Variants in HTR2B observed in about 807,000 individuals in gnomAD.
HTR2B encodes the protein 5-HT 2B receptor.
In HTR2B, 31 loss-of-function variants were observed where a neutral mutation model predicts 39.8. The observed-to-expected ratio is 0.78, with a 90% confidence interval of 0.58 to 1.05. The LOEUF is 1.05. Ranked by LOEUF, HTR2B falls within the 50% of genes least tolerant of loss-of-function variation. The pLI is 0.00. For synonymous variants in HTR2B, 210 were observed against 207.1 expected, an observed-to-expected ratio of 1.01 and a Z score of -0.12; for missense variants, 562 against 578.0, an observed-to-expected ratio of 0.97 and a Z score of 0.28.
At chr2:231,122,926 G>A (rs1274538340) in intron 2 of HTR2B, among the ~76,000 whole-genome samples, 1 of 152,080 alleles carries the variant, frequency 6.6e-6, no homozygotes, top group Non-Finnish European at 1.5e-5. Context: ...AAACTATTAA[G>A]AGCTATAATA....
chr2:231,124,012 T>G lies in HTR2B; in HGVS notation c.-248A>C. ...GAGGCTTAAATTTAGGAAAGCTCAG[T>G]GAAAGAAACTGATAGCTGTGAAAAA... On this transcript the variant is annotated 5_prime_UTR_variant, in exon 2 of 4. Transcript: ENST00000258400. The G allele has an allele frequency of 2.1e-6, 1 of 470,606 alleles. No homozygotes were observed. Among genetic ancestry groups the G allele is most frequent in the South Asian group, 2.4e-5 (1 of 41,350 alleles). 29.2% of individuals were successfully genotyped at this position (470,606 alleles called of 1,614,324 possible). A position where few individuals can be genotyped will look rare whatever the true frequency, so the allele number is the denominator to read the frequency against.
In HTR2B at chr2:231,120,481, A is replaced by C. The variant is rs1482884857; in HGVS notation, c.352+2932T>G. Among the ~76,000 whole-genome samples, 6 of 152,230 alleles carry C rather than the reference A, an allele frequency of 3.9e-5. No individual in the cohort carries two copies. In the South Asian group the frequency reaches 1.2e-3, roughly 32 times the overall value. On this transcript the variant is annotated intron_variant, in intron 2 of 3. Coordinates refer to ENST00000258400, the MANE Select transcript of HTR2B (RefSeq NM_000867.5). Reference sequence around the variant, plus strand: ...AACTACAACTGTAAAGATCAAGTCCAGTGCTCCCAGATAGGAAGAAGTGGC... The same window carrying C: ...AACTACAACTGTAAAGATCAAGTCCCGTGCTCCCAGATAGGAAGAAGTGGC...
intron 2 of HTR2B, among the ~76,000 whole-genome samples, chr2:231,118,756 C>G (rs1695432463): frequency 6.6e-6 from 1 of 152,162 alleles, no homozygotes; most frequent in South Asian, 2.1e-4. Context: ...TAATTAGCAT[C>G]AGTCCATAAA....
In HTR2B at chr2:231,124,125, T is replaced by C; in HGVS notation, c.-361A>G. 1 of 256,222 alleles carries C rather than the reference T, an allele frequency of 3.9e-6. No individual in the cohort carries two copies. The highest frequency in any genetic ancestry group is 4.9e-5 in the South Asian group (1 of 20,564). The allele number at this position is 256,222 out of a possible 1,614,324, so 15.9% of individuals were successfully genotyped here. On this transcript the variant is annotated 5_prime_UTR_variant, in exon 2 of 4. Transcript: ENST00000258400. The stretch of plus-strand genomic sequence containing the variant: ...GTGTTTGAACTTGCATGCCAGAGAG[T>C]TCCCCCTAGATACAAAATACATAGA...
At position 231,113,770 on chromosome 2, in the gene HTR2B, G is replaced by T. The variant is rs1188652491; in HGVS notation, c.512C>A (p.Thr171Lys). The change falls in exon 3 of 4, where the codon ACA becomes AAA. Residue 171 changes from threonine to lysine, a missense_variant. Thr to Lys is a moderately conservative substitution (Grantham distance 78). Transcript: ENST00000258400. ...CACCACTGTAATCTTGATGAATGCT[G>T]TAGCCCGTGAGTTATATTGATTGGC... ...IQANQYNSRA[T>K]AFIKITVVWL... 1 of 1,614,088 alleles carries T rather than the reference G, an allele frequency of 6.2e-7. No homozygotes were observed. The highest frequency in any genetic ancestry group is 1.7e-5 in the Admixed American group (1 of 60,010).
At chr2:231,115,029 A>G (rs975468094) in intron 2 of HTR2B, among the ~76,000 whole-genome samples, 15 of 152,250 alleles carry the variant, frequency 9.9e-5, no homozygotes, top group African/African-American at 3.6e-4. Flanking sequence ...TCTTCTGGCT[A>G]TTGCAGGTAT....
chr2:231,113,963 T>C lies in HTR2B; in HGVS notation c.353-34A>G, dbSNP rs1302289111. ...AACAAAAACAAGACAAACATTTTAT[T>C]CTATAAAATGGCAACTTTCAGTCTA... On this transcript the variant is annotated intron_variant, in intron 2 of 3. Transcript: ENST00000258400. The C allele has an allele frequency of 1.9e-6, 3 of 1,561,106 alleles. No individual in the cohort carries two copies. The Admixed American group carries it at 5.1e-5, about 27-fold the overall frequency.
At chr2:231,109,531 C>T in intron 3 of HTR2B, 122 bp from the exon 4 acceptor site, 1 of 822,360 alleles carries the variant, frequency 1.2e-6, no homozygotes. Flanking sequence ...TCCTGGGACC[C>T]ACAATGCAGG....
In HTR2B at chr2:231,123,621, C is replaced by T. The variant is rs757489636; in HGVS notation, c.144G>A (p.Glu48=). 1 of 1,613,960 alleles carries T rather than the reference C, an allele frequency of 6.2e-7. No individual in the cohort carries two copies. Among genetic ancestry groups the T allele is most frequent in the African/African-American group, 1.3e-5 (1 of 74,922 alleles). The change falls in exon 2 of 4, where the codon GAG becomes GAA. Residue 48 remains glutamate (E), a synonymous_variant. Transcript: ENST00000258400. ...CCCAGTGCAGTTTATTTCCCTGTTC[C>T]TCAACAATCTGTTTCATTTCCTCTG... ...SIPEEMKQIV[E]EQGNKLHWAA... is the part of the protein sequence containing the mutation.
At chr2:231,111,248 C>G (rs185627217) in intron 3 of HTR2B, among the ~76,000 whole-genome samples, 1 of 152,186 alleles carries the variant, frequency 6.6e-6, no homozygotes, top group African/African-American at 2.4e-5. Flanking sequence ...AGAACAATCC[C>G]TAAGATTATG....
intron 3 of HTR2B, among the ~76,000 whole-genome samples, chr2:231,112,942 A>C (rs1441078825): frequency 5.3e-5 from 8 of 152,112 alleles, no homozygotes; most frequent in African/African-American, 1.9e-4. Flanking sequence ...GGGCAGGGGG[A>C]TCGCCAGAGC....
At chr2:231,112,278 C>T (rs566844460) in intron 3 of HTR2B, among the ~76,000 whole-genome samples, 3 of 152,312 alleles carry the variant, frequency 2.0e-5, no homozygotes, top group Admixed American at 2.0e-4. Context: ...TTAATTTTCA[C>T]CCATTGTCTC....
chr2:231,122,088 A>T lies in HTR2B; in HGVS notation c.352+1325T>A, dbSNP rs1329758688. Among the ~76,000 whole-genome samples, 6 of 152,116 alleles carry T rather than the reference A, an allele frequency of 3.9e-5. No homozygotes were observed. In the South Asian group the frequency reaches 1.2e-3, roughly 32 times the overall value. On this transcript the variant is annotated intron_variant, in intron 2 of 3. Transcript: ENST00000258400. ...TTTCTTAATTATTTTTCATGGTTTC[A>T]TGCAGCATTAGATTATTTAAAAGAT...
intron 2 of HTR2B, among the ~76,000 whole-genome samples, chr2:231,115,231 T>C (rs1574742894): frequency 6.6e-6 from 1 of 151,392 alleles, no homozygotes; most frequent in South Asian, 2.1e-4. Flanking sequence ...AGTTTTTAGA[T>C]AGATTTGGCT....
At chr2:231,113,956 A>G (rs1022356658) in intron 2 of HTR2B, 27 bp from the exon 3 acceptor site, 1 of 1,591,358 alleles carries the variant, frequency 6.3e-7, no homozygotes, top group South Asian at 1.1e-5. Context: ...CAAGACAAAC[A>G]TTTTATTCTA....
In HTR2B at chr2:231,109,332, T is replaced by G; in HGVS notation, c.631A>C (p.Lys211Gln). ...NPNNITCVLTKERFGDFMLFG... is the reference protein window; with the variant it reads ...NPNNITCVLTQERFGDFMLFG... ...AGCATGAAATCGCCAAAACGTTCCT[T>G]TGTCAGCACACAAGTGATATTGTTT... The change falls in exon 4 of 4, where the codon AAG (lysine) becomes CAG (glutamine). Residue 211 changes from lysine to glutamine, a missense_variant. By Grantham distance (53) the Lys-to-Gln change is moderately conservative. Coordinates refer to ENST00000258400, the MANE Select transcript of HTR2B (RefSeq NM_000867.5). The G allele has an allele frequency of 6.2e-7, 1 of 1,614,054 alleles. No homozygotes were observed. Among genetic ancestry groups the G allele is most frequent in the Non-Finnish European group, 8.5e-7 (1 of 1,179,952 alleles).
chr2:231,109,609 C>T (rs983332272), intron 3 of HTR2B, among the ~76,000 whole-genome samples, 200 bp from the exon 4 acceptor site: 11 of 152,120 alleles, frequency 7.2e-5, no homozygotes, highest in South Asian at 4.1e-4. Context: ...TGTTTTTAAA[C>T]GGAGATTGGT....
chr2:231,109,659 A>G (rs1048667639), intron 3 of HTR2B, among the ~76,000 whole-genome samples: 3 of 152,242 alleles, frequency 2.0e-5, no homozygotes, highest in Admixed American at 6.5e-5. Flanking sequence ...CCCTAAAGCT[A>G]TAGTATATCC....
rs1294852919 is a variant in HTR2B, at chr2:231,123,714, G to T, written c.51C>A (p.His17Gln). The change falls in exon 2 of 4, where the codon CAC (histidine) becomes CAA (glutamine). Residue 17 changes from histidine to glutamine, a missense_variant. Transcript: ENST00000258400. ...VSELQSTIPE[H>Q]ILQSTFVHVI... ...CGTGAACAAAGGTGCTCTGCAAAAT[G>T]TGCTCAGGAATTGTGCTTTGAAGTT... The T allele has an allele frequency of 1.9e-6, 3 of 1,613,928 alleles. No individual in the cohort carries two copies. The highest frequency in any genetic ancestry group is 1.1e-5 in the South Asian group (1 of 91,086).
Sources: allele counts gnomAD v4.1 joint callset (sites outside exome capture counted in the v4.1 genomes callset), GRCh38; gene constraint gnomAD v4.1.1; transcripts MANE v1.5; gene names NCBI Gene and HGNC (gene_info 2026-07-23, HGNC 2026-07-21).